The following TTC27 variants were observed in gnomAD, a reference collection of about 807,000 sequenced individuals.
TTC27 encodes the protein tetratricopeptide repeat protein 27.
A neutral mutation model predicts 115.9 loss-of-function variants in TTC27; 79 were observed. The ratio of observed to expected loss-of-function variants is 0.68; its 90% CI spans 0.57 to 0.82. The LOEUF (loss-of-function observed/expected upper bound fraction) is 0.82, where lower values mean the gene tolerates loss of function less well. TTC27 is among the 40% of genes least tolerant of loss of function. TTC27 has a pLI of 0.00. For synonymous variants in TTC27, 401 were observed against 356.0 expected (o/e 1.13, Z -1.42); for missense variants, 1,054 against 993.1 (o/e 1.06, Z -0.82).
chr2:32,730,416 C>T (rs1668253555), intron 10 of TTC27, among the ~76,000 whole-genome samples: 1 of 152,016 alleles, frequency 6.6e-6, no homozygotes, highest in African/African-American at 2.4e-5. Context: ...ATTTATTGTG[C>T]CTGTAAAGGA....
At chr2:32,814,443 T>G (rs1211807629) in intron 18 of TTC27, among the ~76,000 whole-genome samples, 4 of 152,220 alleles carry the variant, frequency 2.6e-5, no homozygotes, top group African/African-American at 9.7e-5. Context: ...TATTTTAGAT[T>G]TACAAAGATA....
chr2:32,806,065 T>C (rs889110989), intron 16 of TTC27, among the ~76,000 whole-genome samples: 4 of 152,232 alleles, frequency 2.6e-5, no homozygotes, highest in Non-Finnish European at 5.9e-5. Flanking sequence ...TCTTGGGTCC[T>C]GTTTCCCCAA....
At chr2:32,663,419 G>T (rs1665628200) in intron 5 of TTC27, among the ~76,000 whole-genome samples, 1 of 152,140 alleles carries the variant, frequency 6.6e-6, no homozygotes, top group African/African-American at 2.4e-5. Context: ...CCTTGGCTAG[G>T]AGAGAGAGTT....
intron 7 of TTC27, among the ~76,000 whole-genome samples, chr2:32,669,949 T>A (rs988362277): frequency 2.6e-4 from 40 of 151,940 alleles, no homozygotes; most frequent in Non-Finnish European, 5.0e-4. Context: ...TTAATTTTTT[T>A]ATTTTTTATT....
At chr2:32,718,718 G>A (rs933618378) in intron 10 of TTC27, among the ~76,000 whole-genome samples, 3 of 152,146 alleles carry the variant, frequency 2.0e-5, no homozygotes, top group Non-Finnish European at 4.4e-5. Context: ...TCCACTGAAG[G>A]CAGGGCTGAC....
chr2:32,820,770 A>T (rs1162163187), intron 19 of TTC27, 46 bp from the exon 20 acceptor site: 1 of 1,472,184 alleles, frequency 6.8e-7, no homozygotes, highest in Non-Finnish European at 9.1e-7. Flanking sequence ...TATTTTAAAG[A>T]AATTTGTGTT....
chr2:32,763,491 A>G (rs1460239325), intron 13 of TTC27, among the ~76,000 whole-genome samples: 1 of 152,230 alleles, frequency 6.6e-6, no homozygotes, highest in African/African-American at 2.4e-5. Flanking sequence ...CTAAAGTCAA[A>G]TTGGTATAAG....
At chr2:32,709,928 T>C (rs1159680308) in intron 10 of TTC27, among the ~76,000 whole-genome samples, 3 of 152,226 alleles carry the variant, frequency 2.0e-5, no homozygotes, top group African/African-American at 7.2e-5. Context: ...TAAAATATAG[T>C]TTATTTAAGG....
Position 32,733,809 on chromosome 2 carries a change from G to C in TTC27, c.1234-19G>C. On this transcript the variant is annotated intron_variant, in intron 10 of 19. Coordinates refer to ENST00000317907, the MANE Select transcript of TTC27 (RefSeq NM_017735.5). ...TAAGTTATACATATAGATTCTGATT[G>C]TGATATATGTCCTTTAAGGCTCTTG... is the stretch of plus-strand genomic sequence containing the variant. 1 of 1,505,254 alleles carries C rather than the reference G, an allele frequency of 6.6e-7. No individual in the cohort carries two copies. The highest frequency in any genetic ancestry group is 9.2e-7 in the Non-Finnish European group (1 of 1,090,782). The allele number at this position is 1,505,254 out of a possible 1,614,324, so 93.2% of individuals were successfully genotyped here.
At chr2:32,755,117 A>T (rs1669175831) in intron 12 of TTC27, among the ~76,000 whole-genome samples, 2 of 151,596 alleles carry the variant, frequency 1.3e-5, no homozygotes, top group Non-Finnish European at 2.9e-5. Context: ...GGGCGGGCAG[A>T]GATGCTCCTC....
intron 12 of TTC27, among the ~76,000 whole-genome samples, chr2:32,740,314 A>G (rs946643030): frequency 2.0e-5 from 3 of 152,210 alleles, no homozygotes; most frequent in Non-Finnish European, 4.4e-5. Flanking sequence ...ACATGGTCCT[A>G]TCTTTTATTA....
chr2:32,703,745 T>G (rs76381691), intron 10 of TTC27, among the ~76,000 whole-genome samples: 1,973 of 152,368 alleles, frequency 0.013, 38 homozygotes, highest in African/African-American at 0.046. Flanking sequence ...CTATCCATGA[T>G]GCAAATTTAT....
chr2:32,708,054 A>G (rs910441877), intron 10 of TTC27, among the ~76,000 whole-genome samples: 4 of 152,130 alleles, frequency 2.6e-5, no homozygotes, highest in Admixed American at 6.5e-5. Flanking sequence ...TTGAGCAGCA[A>G]ATTAAATAGT....
intron 10 of TTC27, among the ~76,000 whole-genome samples, chr2:32,708,479 T>C (rs1667463122): frequency 6.6e-6 from 1 of 151,494 alleles, no homozygotes; most frequent in Non-Finnish European, 1.5e-5. Flanking sequence ...AACCAGCTAA[T>C]TTTTGTATTT....
intron 16 of TTC27, among the ~76,000 whole-genome samples, chr2:32,790,612 T>C (rs562935171): frequency 4.5e-4 from 69 of 152,314 alleles, no homozygotes; most frequent in African/African-American, 1.6e-3. Context: ...TTTTGAAATA[T>C]ACATTATCAT....
chr2:32,734,704 C>T (rs1036453112), intron 11 of TTC27, among the ~76,000 whole-genome samples: 13 of 152,054 alleles, frequency 8.5e-5, no homozygotes, highest in East Asian at 1.9e-4. Context: ...AATTGAGGCT[C>T]GGTGCAATTA....
At chr2:32,710,894 A>T (rs1667552801) in intron 10 of TTC27, among the ~76,000 whole-genome samples, 1 of 151,480 alleles carries the variant, frequency 6.6e-6, no homozygotes, top group Non-Finnish European at 1.5e-5. Flanking sequence ...CATTTGGATC[A>T]CTTGAGGTTG....
At chr2:32,721,277 A>G (rs906793902) in intron 10 of TTC27, among the ~76,000 whole-genome samples, 6 of 152,312 alleles carry the variant, frequency 3.9e-5, no homozygotes, top group Middle Eastern at 3.4e-3. Context: ...GGAGTCATTT[A>G]GTTGTAAGGG....
intron 13 of TTC27, among the ~76,000 whole-genome samples, chr2:32,776,055 T>C (rs75496657): frequency 0.061 from 9,324 of 152,234 alleles, 485 homozygotes; most frequent in African/African-American, 0.14. Context: ...AAAAGTGAAC[T>C]TCTAACTTTT....
Sources: gnomAD v4.1 joint callset for allele counts (sites outside exome capture counted in the v4.1 genomes callset) on GRCh38, gnomAD v4.1.1 for gene constraint, MANE v1.5 for transcripts, NCBI Gene and HGNC (gene_info 2026-07-23, HGNC 2026-07-21) for gene names.